Variants in UQCC1 observed in about 807,000 individuals in gnomAD.
The protein encoded by UQCC1 is ubiquinol-cytochrome c reductase complex assembly factor 1.
UQCC1 carries 38 observed loss-of-function variants against 48.0 expected under a neutral mutation model. The observed-to-expected ratio is 0.79, with a 90% CI of 0.61 to 1.04. The LOEUF (loss-of-function observed/expected upper bound fraction) is 1.04. Ranked by LOEUF, UQCC1 falls within the 50% of genes least tolerant of loss-of-function variation. The pLI is 0.00. For missense variants in UQCC1, 368 were observed against 381.8 expected (o/e 0.96, Z 0.30); for synonymous variants, 111 against 129.2 (o/e 0.86, Z 0.95).
intron 4 of UQCC1, among the ~76,000 whole-genome samples, chr20:35,374,987 T>C (rs1266100519): frequency 2.6e-5 from 4 of 152,162 alleles, no homozygotes; most frequent in Non-Finnish European, 5.9e-5. Context: ...ATTTAAGAGT[T>C]GACTTATGGG....
chr20:35,325,973 C>A (rs185565874), intron 7 of UQCC1, among the ~76,000 whole-genome samples: 1 of 151,938 alleles, frequency 6.6e-6, no homozygotes, highest in Non-Finnish European at 1.5e-5. Flanking sequence ...TGGCCCTGAA[C>A]GCCAGCCACA....
intron 1 of UQCC1, among the ~76,000 whole-genome samples, chr20:35,410,528 T>TGC: frequency 7.4e-6 from 1 of 135,374 alleles, no homozygotes; most frequent in South Asian, 2.4e-4. Context: ...CGAGACTCCA[T>TGC]CTCAAAAAAA....
chr20:35,352,796 C>T (rs1374099943), intron 6 of UQCC1, among the ~76,000 whole-genome samples: 1 of 152,194 alleles, frequency 6.6e-6, no homozygotes, highest in East Asian at 1.9e-4. Flanking sequence ...TATCCTCCTG[C>T]CTCGGCATCC....
chr20:35,343,136 T>C (rs890773886), intron 7 of UQCC1, among the ~76,000 whole-genome samples: 1 of 152,186 alleles, frequency 6.6e-6, no homozygotes, highest in African/African-American at 2.4e-5. Context: ...ACTACATTGA[T>C]TGGTTTTATA....
Position 35,391,539 on chromosome 20 carries a change from G to A in UQCC1, c.129+2553C>T, listed in dbSNP as rs1204655. ...CTTGGGAGGCTGAGGTGGGAGGATC[G>A]CTTGAACCCAGGAGGTGGAGGTTGC... On this transcript the variant is annotated intron_variant, in intron 2 of 9. Coordinates refer to ENST00000374385, the MANE Select transcript of UQCC1 (RefSeq NM_018244.5). 2.8e-3 allele frequency among the ~76,000 whole-genome samples: 419 copies of A among 151,926 alleles called. 3 individuals carry two copies. The highest frequency in any genetic ancestry group is 9.7e-3 in the African/African-American group (400 of 41,424).
intron 7 of UQCC1, among the ~76,000 whole-genome samples, chr20:35,339,566 C>A (rs1483706373): frequency 6.6e-6 from 1 of 152,166 alleles, no homozygotes; most frequent in Non-Finnish European, 1.5e-5. Flanking sequence ...TATTTGTGTG[C>A]ATGCACTTGA....
intron 6 of UQCC1, among the ~76,000 whole-genome samples, chr20:35,348,660 T>C (rs965090679): frequency 1.3e-5 from 2 of 150,194 alleles, no homozygotes; most frequent in African/African-American, 4.9e-5. Context: ...AAGTGCTTGT[T>C]TTCTCCTTTT....
At chr20:35,373,941 G>C (rs373236211) in intron 5 of UQCC1, among the ~76,000 whole-genome samples, 5 of 152,196 alleles carry the variant, frequency 3.3e-5, no homozygotes, top group African/African-American at 7.2e-5. Flanking sequence ...AGGAGGCTGA[G>C]GTGGTAGGAC....
chr20:35,345,326 G>A (rs1056767539), intron 7 of UQCC1: 1 of 152,092 alleles, frequency 6.6e-6, no homozygotes, highest in Non-Finnish European at 1.5e-5. Flanking sequence ...TCAACCTGTG[G>A]GATCTGACAC....
chr20:35,347,354 A>T, intron 6 of UQCC1, 82 bp from the exon 7 acceptor site: 1 of 1,556,918 alleles, frequency 6.4e-7, no homozygotes, highest in Non-Finnish European at 8.8e-7. Flanking sequence ...TCCTCATCTA[A>T]GAGTGAGTTT....
At chr20:35,353,888 T>C (rs1162017389) in intron 6 of UQCC1, among the ~76,000 whole-genome samples, 1 of 152,244 alleles carries the variant, frequency 6.6e-6, no homozygotes, top group African/African-American at 2.4e-5. Flanking sequence ...CTTCTAGTTC[T>C]GCAAGCTGTA....
At chr20:35,391,202 G>T (rs2062010528) in intron 2 of UQCC1, among the ~76,000 whole-genome samples, 1 of 150,166 alleles carries the variant, frequency 6.7e-6, no homozygotes, top group Non-Finnish European at 1.5e-5. Flanking sequence ...TCAAAAAAAT[G>T]AATAAAAAAT....
intron 7 of UQCC1, among the ~76,000 whole-genome samples, chr20:35,338,873 A>AT (rs1401689382): frequency 3.9e-4 from 27 of 69,370 alleles, no homozygotes; most frequent in African/African-American, 1.3e-3. Flanking sequence ...AAAAAAAAAA[A>AT]AAAAAAAAAA....
At chr20:35,406,015 A>G (rs1368898898) in intron 1 of UQCC1, among the ~76,000 whole-genome samples, 1 of 152,190 alleles carries the variant, frequency 6.6e-6, no homozygotes, top group Non-Finnish European at 1.5e-5. Flanking sequence ...AATTTAGATC[A>G]TCCAGTCCAA....
chr20:35,392,652 G>A (rs1229494383), intron 2 of UQCC1, among the ~76,000 whole-genome samples: 3 of 152,072 alleles, frequency 2.0e-5, no homozygotes, highest in Non-Finnish European at 4.4e-5. Context: ...CTTCTGCACA[G>A]GCATATTCTC....
intron 6 of UQCC1, among the ~76,000 whole-genome samples, chr20:35,358,723 C>A (rs1231022647): frequency 1.3e-5 from 2 of 152,080 alleles, no homozygotes; most frequent in Admixed American, 6.5e-5. Flanking sequence ...CCACACCCAG[C>A]CAATTTTTGT....
In UQCC1 at chr20:35,337,118, C is replaced by G. The variant is rs568550351; in HGVS notation, c.573+10046G>C. 9.9e-5 allele frequency among the ~76,000 whole-genome samples: 15 copies of G among 152,048 alleles called. No homozygotes were observed. In the East Asian group the frequency reaches 2.7e-3, roughly 27 times the overall value. Reference sequence around the variant, plus strand: ...GAGCAGTGGTTCTCAAACTAGAGAGCTGGTGAAAAGACAGACTGTTGGGTC... The same window carrying G: ...GAGCAGTGGTTCTCAAACTAGAGAGGTGGTGAAAAGACAGACTGTTGGGTC... On this transcript the variant is annotated intron_variant, in intron 7 of 9. Transcript: ENST00000374385.
At chr20:35,391,618 A>G (rs1691361625) in intron 2 of UQCC1, among the ~76,000 whole-genome samples, 2 of 136,888 alleles carry the variant, frequency 1.5e-5, no homozygotes, top group Non-Finnish European at 3.1e-5. Flanking sequence ...TGGACGACAG[A>G]GTGGGACTCT....
intron 4 of UQCC1, among the ~76,000 whole-genome samples, chr20:35,375,170 T>G (rs75284823): frequency 6.6e-6 from 1 of 152,086 alleles, no homozygotes; most frequent in South Asian, 2.1e-4. Flanking sequence ...AAAACAAATG[T>G]GTACAGGCTG....
Sources: allele counts gnomAD v4.1 joint callset (sites outside exome capture counted in the v4.1 genomes callset), GRCh38; gene constraint gnomAD v4.1.1; transcripts MANE v1.5; gene names NCBI Gene and HGNC (gene_info 2026-07-23, HGNC 2026-07-21).